Variants in KCNIP3 observed in about 807,000 individuals in gnomAD.
The protein encoded by KCNIP3 is potassium voltage-gated channel interacting protein 3.
Under a neutral mutation model 35.0 loss-of-function variants are expected in KCNIP3, and 28 were observed. That is an observed-to-expected ratio of 0.80 (90% CI 0.59 to 1.10). The LOEUF (loss-of-function observed/expected upper bound fraction) is 1.10, where lower values mean the gene tolerates loss of function less well. KCNIP3 is among the 50% of genes least tolerant of loss of function. KCNIP3 has a pLI of 0.00. For missense variants in KCNIP3, 295 were observed against 338.4 expected (o/e 0.87, Z 1.01); for synonymous variants, 134 against 133.8 (o/e 1.00, Z -0.01).
At chr2:95,362,272 A>G (rs1183163877) in intron 2 of KCNIP3, among the ~76,000 whole-genome samples, 1 of 151,876 alleles carries the variant, frequency 6.6e-6, no homozygotes, top group Non-Finnish European at 1.5e-5. Flanking sequence ...ATGCCCGGCT[A>G]ATTTTGTATT....
chr2:95,319,911 C>T lies in KCNIP3; in HGVS notation c.181+9391C>T, dbSNP rs1461313247. 3.9e-5 allele frequency among the ~76,000 whole-genome samples: 6 copies of T among 152,158 alleles called. No homozygotes were observed. In the East Asian group the frequency reaches 5.8e-4, roughly 15 times the overall value. ...CCAGGAGGGCTGCTCCCAAGGTGGCCGTTGAGCCCCATCTCAGAACAAGGG... is the reference window on the plus strand; with the variant it reads ...CCAGGAGGGCTGCTCCCAAGGTGGCTGTTGAGCCCCATCTCAGAACAAGGG... On this transcript the variant is annotated intron_variant, in intron 2 of 8. Coordinates refer to ENST00000295225, the MANE Select transcript of KCNIP3 (RefSeq NM_013434.5).
chr2:95,371,766 TC>T (rs1171564430), intron 2 of KCNIP3, among the ~76,000 whole-genome samples: 1 of 152,046 alleles, frequency 6.6e-6, no homozygotes, highest in Admixed American at 6.6e-5. Flanking sequence ...TTATAAAACA[TC>T]CAGCTTTCTT....
Position 95,377,339 on chromosome 2 carries a change from G to A in KCNIP3, c.447+2131G>A, listed in dbSNP as rs957641180. The stretch of plus-strand genomic sequence containing the variant: ...CGGCCGCTTCTCTGTTACCTCCCCC[G>A]ACAGTAAACTGCTCCATGTGCCAGT... On this transcript the variant is annotated intron_variant, in intron 5 of 8. Transcript: ENST00000295225. The surrounding 1 kb of genome is among the most constrained non-coding windows in gnomAD (Gnocchi z 4.7). Among the ~76,000 whole-genome samples, 9 of 151,768 alleles carry A rather than the reference G, an allele frequency of 5.9e-5. No homozygotes were observed. Among genetic ancestry groups the A allele is most frequent in the African/African-American group, 2.4e-5 (1 of 41,356 alleles).
At chr2:95,375,334 C>A in intron 5 of KCNIP3, 126 bp downstream of exon 5, 1 of 872,816 alleles carries the variant, frequency 1.1e-6, no homozygotes, top group Non-Finnish European at 1.8e-6. Flanking sequence ...TCTTGTGAGT[C>A]ACCCTGGGAA....
chr2:95,310,043 C>A (rs1423112547), intron 1 of KCNIP3, among the ~76,000 whole-genome samples: 1 of 152,254 alleles, frequency 6.6e-6, no homozygotes, highest in Non-Finnish European at 1.5e-5. Context: ...GCTCCGACAA[C>A]CTGGCCTGTG....
chr2:95,358,662 C>T (rs953979382), intron 2 of KCNIP3, among the ~76,000 whole-genome samples: 8 of 152,150 alleles, frequency 5.3e-5, no homozygotes, highest in African/African-American at 1.4e-4. Flanking sequence ...TGGCATCTGG[C>T]GAGGGCCCTC....
chr2:95,335,136 C>T (rs1475709467), intron 2 of KCNIP3, among the ~76,000 whole-genome samples: 3 of 152,242 alleles, frequency 2.0e-5, no homozygotes, highest in Non-Finnish European at 4.4e-5. Context: ...TTTCAGATCA[C>T]TGGTCCTGAC....
intron 2 of KCNIP3, among the ~76,000 whole-genome samples, chr2:95,337,270 C>T (rs548988431): frequency 3.3e-5 from 5 of 152,180 alleles, no homozygotes; most frequent in South Asian, 2.1e-4. Flanking sequence ...ATCATTGCCT[C>T]GAGAAATGAT....
At chr2:95,360,465 T>C (rs1679767278) in intron 2 of KCNIP3, among the ~76,000 whole-genome samples, 1 of 152,222 alleles carries the variant, frequency 6.6e-6, no homozygotes, top group Non-Finnish European at 1.5e-5. Flanking sequence ...GGCTTTTTTC[T>C]AGTCTGCTCT....
At chr2:95,375,982 C>G (rs1225819558) in intron 5 of KCNIP3, among the ~76,000 whole-genome samples, 3 of 152,208 alleles carry the variant, frequency 2.0e-5, no homozygotes, top group Non-Finnish European at 2.9e-5. Flanking sequence ...AAGGCCCCGG[C>G]CACACGGGGT....
intron 2 of KCNIP3, chr2:95,346,977 G>C: frequency 6.7e-7 from 1 of 1,487,214 alleles, no homozygotes; most frequent in South Asian, 1.2e-5. Context: ...GCGTGGGCGA[G>C]GGGTGCGCCC....
chr2:95,366,067 G>C (rs1414912398), intron 2 of KCNIP3, among the ~76,000 whole-genome samples: 2 of 152,074 alleles, frequency 1.3e-5, no homozygotes, highest in Non-Finnish European at 2.9e-5. Context: ...TGGCGGCCTT[G>C]AACTCCAGGG....
At chr2:95,334,293 C>A (rs2104248896) in intron 2 of KCNIP3, among the ~76,000 whole-genome samples, 1 of 152,228 alleles carries the variant, frequency 6.6e-6, no homozygotes, top group South Asian at 2.1e-4. Context: ...TTAGCATGTC[C>A]CATAGGACCC....
chr2:95,317,651 C>T (rs144209460), intron 2 of KCNIP3, among the ~76,000 whole-genome samples: 59 of 152,226 alleles, frequency 3.9e-4, no homozygotes, highest in Middle Eastern at 3.4e-3. Context: ...AGAGGAGAGA[C>T]GCTGCTTTTG....
At position 95,376,501 on chromosome 2, in the gene KCNIP3, C is replaced by G. The variant is rs906042279; in HGVS notation, c.447+1293C>G. 1.3e-5 allele frequency among the ~76,000 whole-genome samples: 2 copies of G among 152,208 alleles called. No homozygotes were observed. The highest frequency in any genetic ancestry group is 2.9e-5 in the Non-Finnish European group (2 of 68,026). On this transcript the variant is annotated intron_variant, in intron 5 of 8. Coordinates refer to ENST00000295225, the MANE Select transcript of KCNIP3 (RefSeq NM_013434.5). The surrounding 1 kb of genome is among the most constrained non-coding windows in gnomAD (Gnocchi z 4.2). ...CTTTAAGGAAGCAGGTGGCAGCCCT[C>G]TGGGCTGGGTCTGTCAGTGGCTGTG...
intron 2 of KCNIP3, among the ~76,000 whole-genome samples, chr2:95,347,841 C>T (rs1414179940): frequency 2.0e-5 from 3 of 152,226 alleles, no homozygotes; most frequent in Non-Finnish European, 4.4e-5. Context: ...TTGCCCTCTC[C>T]GAGGACATGG....
At chr2:95,320,574 G>GAGTTTGAAGATGGA (rs1678569142) in intron 2 of KCNIP3, among the ~76,000 whole-genome samples, 2 of 151,900 alleles carry the variant, frequency 1.3e-5, no homozygotes, top group African/African-American at 4.8e-5. Context: ...GGGAGGATGG[G>GAGTTTGAAGATGGA]ACTTTGAAGA....
rs565758479 is a variant in KCNIP3 at position 95,325,590 on chromosome 2, C to T, written c.181+15070C>T. ...AGGTCAGGGCACATGCACGCACACA[C>T]GCACTCACACACTCATACACACGTA... is the stretch of plus-strand genomic sequence containing the variant. On this transcript the variant is annotated intron_variant, in intron 2 of 8. Coordinates refer to ENST00000295225, the MANE Select transcript of KCNIP3 (RefSeq NM_013434.5). 4.7e-4 allele frequency among the ~76,000 whole-genome samples: 72 copies of T among 151,958 alleles called. 1 individual carries two copies. The South Asian group carries it at 0.011, about 22-fold the overall frequency.
At chr2:95,326,982 C>T (rs1678811294) in intron 2 of KCNIP3, among the ~76,000 whole-genome samples, 1 of 152,222 alleles carries the variant, frequency 6.6e-6, no homozygotes, top group South Asian at 2.1e-4. Flanking sequence ...CCTCAGAAGA[C>T]TTGCTCCCTC....
Sources: gnomAD v4.1 joint callset for allele counts (sites outside exome capture counted in the v4.1 genomes callset) on GRCh38, gnomAD v4.1.1 for gene constraint, Gnocchi (gnomAD v3.1) non-coding constraint, MANE v1.5 for transcripts, NCBI Gene and HGNC (gene_info 2026-07-23, HGNC 2026-07-21) for gene names.